The following CLEC5A variants were observed in gnomAD, a reference collection of about 807,000 sequenced individuals.
CLEC5A encodes the protein C-type lectin domain containing 5A.
In CLEC5A, 15 loss-of-function variants were observed where a neutral mutation model predicts 24.4. The observed-to-expected ratio is 0.62, with a 90% confidence interval of 0.41 to 0.95. The LOEUF (loss-of-function observed/expected upper bound fraction) is 0.95. Ranked by LOEUF, CLEC5A falls within the 40% of genes least tolerant of loss-of-function variation. The pLI is 0.00. For missense variants in CLEC5A, 211 were observed against 224.0 expected (o/e 0.94, Z 0.37); for synonymous variants, 71 against 72.6 (o/e 0.98, Z 0.11).
chr7:141,943,098 A>G (rs1473160699), intron 4 of CLEC5A, among the ~76,000 whole-genome samples: 3 of 152,172 alleles, frequency 2.0e-5, no homozygotes, highest in Non-Finnish European at 4.4e-5. Context: ...AAAGGAAATC[A>G]GTATATTGAA....
At chr7:141,945,608 T>G (rs547042990) in intron 2 of CLEC5A, among the ~76,000 whole-genome samples, 2 of 152,174 alleles carry the variant, frequency 1.3e-5, no homozygotes, top group Non-Finnish European at 2.9e-5. Context: ...TGATAGGAAT[T>G]GCACCTTCAG....
intron 4 of CLEC5A, among the ~76,000 whole-genome samples, chr7:141,936,777 G>C (rs1802643011): frequency 6.6e-6 from 1 of 152,060 alleles, no homozygotes; most frequent in Non-Finnish European, 1.5e-5. Flanking sequence ...ACAACTTGCA[G>C]CTCCAAAAGA....
chr7:141,940,010 T>C (rs1802739303), intron 4 of CLEC5A, among the ~76,000 whole-genome samples: 1 of 152,186 alleles, frequency 6.6e-6, no homozygotes. Context: ...CACTCTGCTT[T>C]CAGCATTGGA....
chr7:141,946,159 A>G, intron 2 of CLEC5A, 55 bp downstream of exon 2: 1 of 1,520,428 alleles, frequency 6.6e-7, no homozygotes, highest in South Asian at 1.2e-5. Context: ...CTGAGAGAAG[A>G]GTCAATGAGC....
intron 4 of CLEC5A, among the ~76,000 whole-genome samples, 184 bp downstream of exon 4, chr7:141,943,712 A>G (rs187300233): frequency 1.3e-5 from 2 of 152,118 alleles, no homozygotes; most frequent in African/African-American, 2.4e-5. Context: ...TATACCTACT[A>G]TGTACTGAGA....
At position 141,930,344 on chromosome 7, in the gene CLEC5A, G is replaced by T. The variant is rs1554440182; in HGVS notation, c.453-126C>A. 9 of 696,312 alleles carry T rather than the reference G, an allele frequency of 1.3e-5. No individual in the cohort carries two copies. The South Asian group carries it at 1.6e-4, about 12-fold the overall frequency. 43.1% of individuals were successfully genotyped at this position (696,312 alleles called of 1,614,324 possible). A position where few individuals can be genotyped will look rare whatever the true frequency, so the allele number is the denominator to read the frequency against. On this transcript the variant is annotated intron_variant, in intron 6 of 6. Transcript: ENST00000546910. ...AGTCTTGCAGGAGTTTTGCCTGGAA[G>T]GGCAGCAGACTACCGGGCCCACACA...
rs1287203403 is a variant in CLEC5A at position 141,927,829 on chromosome 7, A to T, written c.*2275T>A. ...TTGAAAAGCTACTTCTTGGATGAAGATCTCAACTTCAAATCCTCCACAAAA... is the reference window on the plus strand; with the variant it reads ...TTGAAAAGCTACTTCTTGGATGAAGTTCTCAACTTCAAATCCTCCACAAAA... On this transcript the variant is annotated 3_prime_UTR_variant, in exon 7 of 7. Transcript: ENST00000546910. 6.6e-6 allele frequency: 1 copy of T among 152,256 alleles called. No individual in the cohort carries two copies. The highest frequency in any genetic ancestry group is 1.5e-5 in the Non-Finnish European group (1 of 68,044). The allele number at this position is 152,256 out of a possible 1,614,324, so 9.4% of individuals were successfully genotyped here.
intron 4 of CLEC5A, among the ~76,000 whole-genome samples, chr7:141,937,856 A>G (rs1001139024): frequency 2.0e-5 from 3 of 152,342 alleles, no homozygotes; most frequent in Non-Finnish European, 4.4e-5. Context: ...GGGAGAAAGT[A>G]AGGAAAAAGA....
rs576070710 is a variant in CLEC5A, at chr7:141,927,559, C to T, written c.*2545G>A. 2.0e-5 allele frequency: 3 copies of T among 152,356 alleles called. No homozygotes were observed. Among genetic ancestry groups the T allele is most frequent in the Non-Finnish European group, 4.4e-5 (3 of 68,048 alleles). 9.4% of individuals were successfully genotyped at this position (152,356 alleles called of 1,614,324 possible). A position where few individuals can be genotyped will look rare whatever the true frequency, so the allele number is the denominator to read the frequency against. On this transcript the variant is annotated 3_prime_UTR_variant, in exon 7 of 7. Transcript: ENST00000546910. ...TTTTGTGCTTAGAGTTTCAGCTGAT[C>T]TAGGGTGGCTCTGCTGATCTCAGGT...
At chr7:141,935,047 G>T (rs553268299) in intron 5 of CLEC5A, among the ~76,000 whole-genome samples, 1 of 152,150 alleles carries the variant, frequency 6.6e-6, no homozygotes, top group Admixed American at 6.5e-5. Flanking sequence ...AGCCCTAGAG[G>T]GTTTGTAGCA....
Position 141,933,506 on chromosome 7 carries a change from T to A in CLEC5A, c.346-1680A>T, listed in dbSNP as rs1330586599. Among the ~76,000 whole-genome samples, 3 of 150,098 alleles carry A rather than the reference T, an allele frequency of 2.0e-5. No individual in the cohort carries two copies. In the East Asian group the frequency reaches 5.8e-4, roughly 29 times the overall value. On this transcript the variant is annotated intron_variant, in intron 5 of 6. Coordinates refer to ENST00000546910, the MANE Select transcript of CLEC5A (RefSeq NM_013252.3). ...TGATATGATGTAAGGTACATGGATG[T>A]GCTTTGGTCAAGGAATAGGCTGAGG...
At chr7:141,932,480 A>G in intron 5 of CLEC5A, among the ~76,000 whole-genome samples, 1 of 152,234 alleles carries the variant, frequency 6.6e-6, no homozygotes, top group East Asian at 1.9e-4. Context: ...TATACTTGTC[A>G]CATACGTCCC....
chr7:141,937,454 G>T (rs1052625769), intron 4 of CLEC5A, among the ~76,000 whole-genome samples: 2 of 152,134 alleles, frequency 1.3e-5, no homozygotes, highest in Admixed American at 6.5e-5. Context: ...AGAAAGGGGA[G>T]GGAAGAGTGG....
Position 141,945,857 on chromosome 7 carries a change from G to A in CLEC5A, c.79+357C>T, listed in dbSNP as rs1235152726. ...TACATTATACTTCAGCTCTTACCAT[G>A]GCCTTGTCATTGGGTTGAACTGGAG... is the stretch of plus-strand genomic sequence containing the variant. On this transcript the variant is annotated intron_variant, in intron 2 of 6. Transcript: ENST00000546910. 9.6e-6 allele frequency: 3 copies of A among 311,858 alleles called. No homozygotes were observed. In the South Asian group the frequency reaches 1.3e-4, roughly 13 times the overall value. 19.3% of individuals were successfully genotyped at this position (311,858 alleles called of 1,614,324 possible). A position where few individuals can be genotyped will look rare whatever the true frequency, so the allele number is the denominator to read the frequency against.
At chr7:141,943,691 T>A (rs1802864174) in intron 4 of CLEC5A, among the ~76,000 whole-genome samples, 1 of 152,012 alleles carries the variant, frequency 6.6e-6, no homozygotes. Flanking sequence ...ATCATGTAAC[T>A]CATGAATATA....
intron 5 of CLEC5A, among the ~76,000 whole-genome samples, chr7:141,932,784 T>A (rs1802503494): frequency 6.6e-6 from 1 of 152,222 alleles, no homozygotes; most frequent in African/African-American, 2.4e-5. Flanking sequence ...GTAAATGTTT[T>A]ATTGGAATGC....
chr7:141,930,704 A>T (rs1274986491), intron 6 of CLEC5A, among the ~76,000 whole-genome samples: 1 of 152,204 alleles, frequency 6.6e-6, no homozygotes, highest in Non-Finnish European at 1.5e-5. Flanking sequence ...TCTGTCATTC[A>T]GTCTGTTTCA....
chr7:141,932,651 T>C (rs2128960471), intron 5 of CLEC5A, among the ~76,000 whole-genome samples: 1 of 152,366 alleles, frequency 6.6e-6, no homozygotes, highest in East Asian at 1.9e-4. Flanking sequence ...GTGTCTATTA[T>C]ATGCCATGCA....
intron 5 of CLEC5A, 103 bp from the exon 6 acceptor site, chr7:141,931,929 T>G (rs2128960325): frequency 1.7e-6 from 1 of 597,178 alleles, no homozygotes; most frequent in East Asian, 2.9e-5. Context: ...GGAAGGCCGG[T>G]AGAGAACTCT....
Sources: gnomAD v4.1 joint callset for allele counts (sites outside exome capture counted in the v4.1 genomes callset) on GRCh38, gnomAD v4.1.1 for gene constraint, MANE v1.5 for transcripts, NCBI Gene and HGNC (gene_info 2026-07-23, HGNC 2026-07-21) for gene names.